FCAR: variants seen among roughly 807,000 people sequenced by gnomAD.
The protein encoded by FCAR is Fc alpha receptor.
In FCAR, 21 loss-of-function variants were observed where a neutral mutation model predicts 27.1. The observed-to-expected ratio is 0.77, with a 90% confidence interval of 0.55 to 1.11. The LOEUF is 1.11. Among genes scored for constraint, FCAR ranks in the 50% most tolerant of loss-of-function variants. The pLI is 0.00. For synonymous variants in FCAR, 134 were observed against 135.8 expected (o/e 0.99, Z 0.09); for missense variants, 404 against 358.4 (o/e 1.13, Z -1.03).
intron 1 of FCAR, 86 bp from the exon 2 acceptor site, chr19:54,875,244 C>T: frequency 8.7e-7 from 1 of 1,144,592 alleles, no homozygotes; most frequent in East Asian, 2.4e-5. Context: ...TGGTACTGGT[C>T]TTTTTCTGGT....
intron 4 of FCAR, 28 bp from the exon 5 acceptor site, chr19:54,889,621 C>G (rs776658915): frequency 1.9e-6 from 3 of 1,569,162 alleles, no homozygotes; most frequent in Middle Eastern, 1.7e-4. Context: ...AACCACCAAC[C>G]ATTCATCTCC....
chr19:54,883,850 G>A lies in FCAR; in HGVS notation c.71-1385G>A, dbSNP rs587712855. On this transcript the variant is annotated intron_variant, in intron 2 of 4. Transcript: ENST00000355524. Reference sequence around the variant, plus strand: ...CGGGCGCCTGTAGTCCCAGCTACTCGGGAGGCTGAGGCAGAAGAATGGTGT... The same window carrying A: ...CGGGCGCCTGTAGTCCCAGCTACTCAGGAGGCTGAGGCAGAAGAATGGTGT... 8.5e-5 allele frequency among the ~76,000 whole-genome samples: 13 copies of A among 152,272 alleles called. No individual in the cohort carries two copies. The East Asian group carries it at 1.4e-3, about 16-fold the overall frequency.
intron 2 of FCAR, among the ~76,000 whole-genome samples, chr19:54,883,613 G>C (rs1371244518): frequency 6.6e-6 from 1 of 152,170 alleles, no homozygotes; most frequent in Non-Finnish European, 1.5e-5. Context: ...GTCCTTCTCA[G>C]CAAGGGTGAT....
At chr19:54,875,819 C>T (rs1408301021) in intron 2 of FCAR, among the ~76,000 whole-genome samples, 2 of 152,216 alleles carry the variant, frequency 1.3e-5, no homozygotes, top group African/African-American at 2.4e-5. Flanking sequence ...TAGTGTACTA[C>T]TGAATATTCT....
Position 54,889,688 on chromosome 19 carries a change from G to T in FCAR, c.689G>T (p.Arg230Leu), listed in dbSNP as rs373544789. ...GATTACACGACGCAGAACTTGATCCGCATGGCCGTGGCAGGACTGGTCCTC... is the reference window on the plus strand; with the variant it reads ...GATTACACGACGCAGAACTTGATCCTCATGGCCGTGGCAGGACTGGTCCTC... ...HQDYTTQNLI[R>L]MAVAGLVLVA... is the part of the protein sequence containing the mutation. The change falls in exon 5 of 5, where the codon CGC becomes CTC. Residue 230 changes from arginine (R) to leucine (L), a missense_variant. Transcript: ENST00000355524. 59 of 1,613,944 alleles carry T rather than the reference G, an allele frequency of 3.7e-5. No homozygotes were observed. The highest frequency in any genetic ancestry group is 6.7e-5 in the Admixed American group (4 of 60,000).
At chr19:54,880,899 C>T (rs777123961) in intron 2 of FCAR, 1 of 152,148 alleles carries the variant, frequency 6.6e-6, no homozygotes, top group Non-Finnish European at 1.5e-5. Flanking sequence ...AATGATGCTT[C>T]AGCACAACGG....
At chr19:54,882,900 A>G (rs1250082564) in intron 2 of FCAR, among the ~76,000 whole-genome samples, 1 of 152,122 alleles carries the variant, frequency 6.6e-6, no homozygotes, top group Non-Finnish European at 1.5e-5. Flanking sequence ...TATACTGGCA[A>G]AATTTTTCAG....
chr19:54,878,842 G>A lies in FCAR; in HGVS notation c.70+3477G>A, dbSNP rs587763304. Among the ~76,000 whole-genome samples the A allele has an allele frequency of 1.9e-4, 27 of 141,796 alleles. 1 individual carries two copies. The South Asian group carries it at 5.0e-3, about 26-fold the overall frequency. 93.0% of individuals were successfully genotyped at this position (141,796 alleles called of 152,430 possible). A position where few individuals can be genotyped will look rare whatever the true frequency, so the allele number is the denominator to read the frequency against. On this transcript the variant is annotated intron_variant, in intron 2 of 4. Transcript: ENST00000355524. ...ATGGATGTCATTGCATATGAGATGG[G>A]TTTCTTATAGGCAGCATAATGTTGA...
intron 3 of FCAR, among the ~76,000 whole-genome samples, chr19:54,887,784 GTA>G (rs1368544517): frequency 2.0e-5 from 3 of 151,694 alleles, no homozygotes; most frequent in African/African-American, 2.4e-5. Flanking sequence ...GGGCGTGGTG[GTA>G]CGCACCTGTA....
chr19:54,888,483 C>A, intron 4 of FCAR, 189 bp downstream of exon 4: 2 of 1,421,646 alleles, frequency 1.4e-6, no homozygotes, highest in Non-Finnish European at 1.8e-6. Context: ...GTTCTCCAGA[C>A]AGGGTTCATT....
chr19:54,880,068 G>T (rs2066327592), intron 2 of FCAR, among the ~76,000 whole-genome samples: 1 of 134,692 alleles, frequency 7.4e-6, no homozygotes, highest in East Asian at 2.3e-4. Context: ...TATTTTGCAG[G>T]GGTTCTCTGT....
intron 4 of FCAR, chr19:54,888,681 G>A: frequency 1.8e-6 from 1 of 565,682 alleles, no homozygotes; most frequent in Non-Finnish European, 2.3e-6. Flanking sequence ...CTGAGTAGCT[G>A]GGACCACACA....
At chr19:54,882,582 G>A (rs2066486392) in intron 2 of FCAR, among the ~76,000 whole-genome samples, 2 of 152,030 alleles carry the variant, frequency 1.3e-5, no homozygotes, top group South Asian at 4.2e-4. Context: ...GGGATTACAG[G>A]TGTGTGCCAC....
chr19:54,880,097 G>A (rs1183707104), intron 2 of FCAR, among the ~76,000 whole-genome samples: 1 of 152,080 alleles, frequency 6.6e-6, no homozygotes, highest in Non-Finnish European at 1.5e-5. Context: ...TTTGATTCTT[G>A]GCCTCTCTAG....
chr19:54,880,329 A>G (rs766972212), intron 2 of FCAR, among the ~76,000 whole-genome samples: 2 of 151,612 alleles, frequency 1.3e-5, no homozygotes, highest in Admixed American at 1.3e-4. Flanking sequence ...TTCTTTCCTT[A>G]TTTTGCTTTA....
intron 4 of FCAR, among the ~76,000 whole-genome samples, chr19:54,889,327 A>G (rs12976082): frequency 0.29 from 41,030 of 142,314 alleles, 6,788 homozygotes; most frequent in African/African-American, 0.47. Context: ...AGCCGAGATC[A>G]CGCCACTGCA....
At chr19:54,882,027 T>C (rs1302950788) in intron 2 of FCAR, among the ~76,000 whole-genome samples, 1 of 152,210 alleles carries the variant, frequency 6.6e-6, no homozygotes, top group African/African-American at 2.4e-5. Flanking sequence ...AGAGGGGCTG[T>C]CAGTTGCCTC....
At chr19:54,881,933 T>A (rs1350438405) in intron 2 of FCAR, among the ~76,000 whole-genome samples, 882 of 9,748 alleles carry the variant, frequency 0.09, 16 homozygotes, top group African/African-American at 0.34. Context: ...ATAAATAAAT[T>A]GAAGCATGAA....
intron 2 of FCAR, among the ~76,000 whole-genome samples, chr19:54,881,669 G>A (rs1384865109): frequency 1.3e-5 from 2 of 152,006 alleles, no homozygotes; most frequent in Non-Finnish European, 2.9e-5. Context: ...TCGGGAGATC[G>A]AGACCATCCT....
Sources: allele counts gnomAD v4.1 joint callset (sites outside exome capture counted in the v4.1 genomes callset), GRCh38; gene constraint gnomAD v4.1.1; transcripts MANE v1.5; gene names NCBI Gene and HGNC (gene_info 2026-07-23, HGNC 2026-07-21).